ALG12: variants seen among roughly 807,000 people sequenced by gnomAD.
ALG12 encodes ALG12 alpha-1,6-mannosyltransferase.
ALG12 carries 36 observed loss-of-function variants against 46.0 expected under a neutral mutation model. The observed-to-expected ratio is 0.78, with a 90% CI of 0.60 to 1.03. The LOEUF is 1.03. ALG12 is among the 50% of genes least tolerant of loss of function. The pLI is 0.00. For synonymous variants in ALG12, 326 were observed against 291.6 expected, an observed-to-expected ratio of 1.12 and a Z score of -1.20; for missense variants, 599 against 633.5, an observed-to-expected ratio of 0.95 and a Z score of 0.58.
chr22:49,869,964 C>T, the ALG12 span, among the ~76,000 whole-genome samples: 1 of 152,158 alleles, frequency 6.6e-6, no homozygotes, highest in African/African-American at 2.4e-5. Flanking sequence ...TCCCCTCCTC[C>T]CTTCCTCCCT....
chr22:49,906,317 G>A lies in ALG12; in HGVS notation c.992+1404C>T, dbSNP rs1359707950. On this transcript the variant is annotated intron_variant, in intron 7 of 9. Coordinates refer to ENST00000330817, the MANE Select transcript of ALG12 (RefSeq NM_024105.4). This position sits in a 1 kb window ranked among gnomAD's most constrained non-coding sequence, Gnocchi z 4.4. ...CCTCTTTTCCATGACTCTGGCTGGG[G>A]TCTGCTCCTCCTCCAGCCCTGAGCC... Among the ~76,000 whole-genome samples the A allele has an allele frequency of 6.6e-6, 1 of 152,296 alleles. No individual in the cohort carries two copies. Among genetic ancestry groups the A allele is most frequent in the South Asian group, 2.1e-4 (1 of 4,824 alleles).
the ALG12 span, among the ~76,000 whole-genome samples, chr22:49,864,950 C>T: frequency 1.3e-5 from 1 of 74,736 alleles, no homozygotes; most frequent in Non-Finnish European, 2.1e-5. Flanking sequence ...CCCCCCCCCC[C>T]CCGTGAAGTC....
At chr22:49,911,218 G>A (rs1454038804) in intron 3 of ALG12, among the ~76,000 whole-genome samples, 1 of 152,222 alleles carries the variant, frequency 6.6e-6, no homozygotes, top group African/African-American at 2.4e-5. Context: ...GAACTTCTGG[G>A]TGGCTCTTGC....
intron 3 of ALG12, among the ~76,000 whole-genome samples, chr22:49,912,116 T>G (rs538534486): frequency 6.7e-6 from 1 of 148,332 alleles, no homozygotes; most frequent in Non-Finnish European, 1.5e-5. Context: ...GGCCCCGGGA[T>G]CAGCCTGGCC....
At chr22:49,910,137 G>A (rs1308304753) in intron 4 of ALG12, 49 bp from the exon 5 acceptor site, 3 of 1,543,808 alleles carry the variant, frequency 1.9e-6, no homozygotes, top group East Asian at 2.4e-5. Flanking sequence ...GGCCCACCCG[G>A]CCCAGAAAAC....
At chr22:49,892,847 T>A in the ALG12 span, among the ~76,000 whole-genome samples, 138 of 152,276 alleles carry the variant, frequency 9.1e-4, 2 homozygotes, top group African/African-American at 3.1e-3. Context: ...AAAAAAATTA[T>A]GAGACACACT....
In ALG12 at chr22:49,908,028, T is replaced by G; in HGVS notation, c.769-84A>C. 8 of 1,358,022 alleles carry G rather than the reference T, an allele frequency of 5.9e-6. No individual in the cohort carries two copies. The South Asian group carries it at 8.7e-5, about 15-fold the overall frequency. The allele number at this position is 1,358,022 out of a possible 1,614,324, so 84.1% of individuals were successfully genotyped here. On this transcript the variant is annotated intron_variant, in intron 6 of 9. Coordinates refer to ENST00000330817, the MANE Select transcript of ALG12 (RefSeq NM_024105.4). ...GGCAGGGTCAAGGTGGAGAAGACGC[T>G]TGAAGACAGTTGTGCTGAGAGATGC...
chr22:49,913,955 T>G, intron 1 of ALG12, 112 bp from the exon 2 acceptor site: 2 of 681,462 alleles, frequency 2.9e-6, no homozygotes. Context: ...TTAGTCGCAC[T>G]ACTACAAATC....
chr22:49,865,423 C>T, the ALG12 span, among the ~76,000 whole-genome samples: 2 of 151,710 alleles, frequency 1.3e-5, no homozygotes, highest in South Asian at 2.1e-4. Context: ...CTAAGGCGGG[C>T]GGAACTCCTG....
chr22:49,913,161 G>A (rs536153238), intron 3 of ALG12, among the ~76,000 whole-genome samples: 3 of 152,342 alleles, frequency 2.0e-5, no homozygotes, highest in Admixed American at 6.5e-5. Context: ...TGTACCTGCC[G>A]TCACCCCTAA....
the ALG12 span, chr22:49,886,821 C>T: frequency 1.2e-5 from 20 of 1,613,540 alleles, no homozygotes; most frequent in Non-Finnish European, 1.5e-5. This position sits in a 1 kb window ranked among gnomAD's most constrained non-coding sequence, Gnocchi z 7.7. Context: ...ATGCTGGCTC[C>T]CCGTCGAAAG....
chr22:49,865,937 C>A, the ALG12 span, among the ~76,000 whole-genome samples: 1 of 151,128 alleles, frequency 6.6e-6, no homozygotes, highest in Admixed American at 6.6e-5. Context: ...GTCTCAAACT[C>A]CCAGCTTCAA....
the ALG12 span, among the ~76,000 whole-genome samples, chr22:49,876,213 G>A: frequency 6.6e-6 from 1 of 152,302 alleles, no homozygotes; most frequent in South Asian, 2.1e-4. Context: ...GTCTGTCTTG[G>A]TGAAGGTTTT....
At chr22:49,885,636 C>A in the ALG12 span, 1 of 1,612,024 alleles carries the variant, frequency 6.2e-7, no homozygotes, top group Admixed American at 1.7e-5. Context: ...CCAAAAAAAT[C>A]ACAAGTCTCA....
chr22:49,874,746 C>G, the ALG12 span, among the ~76,000 whole-genome samples: 1 of 121,156 alleles, frequency 8.3e-6, no homozygotes, highest in African/African-American at 3.1e-5. Flanking sequence ...ATGGCTCGAT[C>G]TCAGCTCACT....
the ALG12 span, chr22:49,887,698 G>A: frequency 6.0e-6 from 1 of 168,052 alleles, no homozygotes; most frequent in Non-Finnish European, 1.5e-5. Flanking sequence ...AGTGTCCCGC[G>A]GAGTACAGAT....
chr22:49,870,618 G>C, the ALG12 span, among the ~76,000 whole-genome samples: 1 of 151,988 alleles, frequency 6.6e-6, no homozygotes, highest in Non-Finnish European at 1.5e-5. Flanking sequence ...CCACTTTTAT[G>C]TCTCCTTTCG....
chr22:49,918,046 GC>G (rs1421908950), intron 1 of ALG12: 13 of 93,062 alleles, frequency 1.4e-4, no homozygotes, highest in South Asian at 8.3e-4. Context: ...GAGAGGTCTG[GC>G]CCCCAGGTGA....
downstream of ALG12, among the ~76,000 whole-genome samples, chr22:49,898,290 G>C (rs2060491625): frequency 6.6e-6 from 1 of 152,104 alleles, no homozygotes; most frequent in Admixed American, 6.5e-5. Flanking sequence ...TCGCAGGCGT[G>C]AGCCACCACA....
Sources: gnomAD v4.1 joint callset for allele counts (sites outside exome capture counted in the v4.1 genomes callset) on GRCh38, gnomAD v4.1.1 for gene constraint, Gnocchi (gnomAD v3.1) non-coding constraint, MANE v1.5 for transcripts, NCBI Gene and HGNC (gene_info 2026-07-23, HGNC 2026-07-21) for gene names.